The following TSHR variants were observed in gnomAD, a reference collection of about 807,000 sequenced individuals.
TSHR encodes the protein thyrotropin receptor.
Under a neutral mutation model 64.1 loss-of-function variants are expected in TSHR, and 51 were observed. The ratio of observed to expected loss-of-function variants is 0.80; its 90% CI spans 0.64 to 1.01. The LOEUF (loss-of-function observed/expected upper bound fraction) is 1.01. Ranked by LOEUF, TSHR falls within the 50% of genes least tolerant of loss-of-function variation. The probability of loss-of-function intolerance (pLI) is 0.00; values close to 1 mark genes in which losing one functional copy is unlikely to be tolerated. For missense variants in TSHR, 877 were observed against 942.8 expected, an observed-to-expected ratio of 0.93 and a Z score of 0.91; for synonymous variants, 361 against 361.9, an observed-to-expected ratio of 1.00 and a Z score of 0.03.
intron 7 of TSHR, chr14:81,105,081 T>A (rs1330621564): frequency 2.0e-6 from 2 of 985,262 alleles, no homozygotes; most frequent in African/African-American, 3.5e-5. Flanking sequence ...CAAGGGATAG[T>A]TTTTATCACT....
At chr14:81,061,733 A>C (rs1418592751) in intron 1 of TSHR, among the ~76,000 whole-genome samples, 2 of 151,994 alleles carry the variant, frequency 1.3e-5, no homozygotes, top group Non-Finnish European at 2.9e-5. Flanking sequence ...TACAAAAAAA[A>C]CCCTGACACC....
chr14:81,078,375 T>C (rs78630936), intron 3 of TSHR, among the ~76,000 whole-genome samples: 8,069 of 152,248 alleles, frequency 0.053, 356 homozygotes, highest in South Asian at 0.16. Flanking sequence ...TTCTGAGGAG[T>C]AGTCGTATCC....
intron 1 of TSHR, among the ~76,000 whole-genome samples, chr14:81,035,741 G>A (rs887138196): frequency 3.3e-5 from 5 of 152,104 alleles, no homozygotes; most frequent in South Asian, 2.1e-4. Flanking sequence ...TTTGATGCTG[G>A]GGGTTTTATG....
At chr14:81,098,940 C>T (rs955988772) in intron 7 of TSHR, among the ~76,000 whole-genome samples, 1 of 152,190 alleles carries the variant, frequency 6.6e-6, no homozygotes, top group African/African-American at 2.4e-5. Context: ...AAATTAACTG[C>T]CTGTTTTTCC....
intron 4 of TSHR, among the ~76,000 whole-genome samples, chr14:81,089,837 C>T (rs1039209355): frequency 6.6e-6 from 1 of 152,128 alleles, no homozygotes; most frequent in Non-Finnish European, 1.5e-5. Context: ...CACCTCTCTC[C>T]TTTGTTATCT....
intron 8 of TSHR, among the ~76,000 whole-genome samples, chr14:81,132,514 T>C (rs1651498001): frequency 6.6e-6 from 1 of 152,242 alleles, no homozygotes; most frequent in African/African-American, 2.4e-5. Context: ...TATTCTTCTC[T>C]GTATATAATA....
At chr14:81,047,664 CTT>C (rs11462189) in intron 1 of TSHR, among the ~76,000 whole-genome samples, 5 of 135,474 alleles carry the variant, frequency 3.7e-5, no homozygotes, top group Non-Finnish European at 4.7e-5. Context: ...TTCATTGGCT[CTT>C]TTTTTTTTTT....
At chr14:80,977,233 CAA>C (rs763215341) in intron 1 of TSHR, among the ~76,000 whole-genome samples, 36 of 152,204 alleles carry the variant, frequency 2.4e-4, no homozygotes, top group Non-Finnish European at 4.3e-4. Flanking sequence ...GTAAGAAAGG[CAA>C]ACAGTTATCT....
At position 80,981,949 on chromosome 14, in the gene TSHR, A is replaced by C. The variant is rs538511407; in HGVS notation, c.170+26099A>C. On this transcript the variant is annotated intron_variant, in intron 1 of 9. Coordinates refer to ENST00000298171, the MANE Select transcript of TSHR (RefSeq NM_000369.5). ...TCAGCCTAGGACACCTTGAGAACCA[A>C]GGACAAGATGGACAGGGCCAAGTAA... The C allele has an allele frequency of 1.2e-4, 34 of 289,810 alleles. No homozygotes were observed. In the Admixed American group the frequency reaches 1.3e-3, roughly 11 times the overall value. 18.0% of individuals were successfully genotyped at this position (289,810 alleles called of 1,614,324 possible). A position where few individuals can be genotyped will look rare whatever the true frequency, so the allele number is the denominator to read the frequency against.
chr14:81,070,478 T>C (rs768830778), intron 3 of TSHR, among the ~76,000 whole-genome samples: 8 of 151,326 alleles, frequency 5.3e-5, no homozygotes, highest in Admixed American at 1.3e-4. Flanking sequence ...AACACAAAAA[T>C]TTGCCGGGCA....
chr14:80,971,737 C>T (rs1887601127), intron 1 of TSHR, among the ~76,000 whole-genome samples: 1 of 152,192 alleles, frequency 6.6e-6, no homozygotes. Flanking sequence ...GGACATACTC[C>T]TGTCAGTATA....
At position 81,091,079 on chromosome 14, in the gene TSHR, A is replaced by T. The variant is rs1191546844; in HGVS notation, c.403A>T (p.Asn135Tyr). 3 of 1,611,686 alleles carry T rather than the reference A, an allele frequency of 1.9e-6. No individual in the cohort carries two copies. In the East Asian group the frequency reaches 6.7e-5, roughly 36 times the overall value. ...LPLLKFLGIF[N>Y]TGLKMFPDLT... The stretch of plus-strand genomic sequence containing the variant: ...TTTTCATTAATTTAGTGGCATTTTC[A>T]ACACTGGACTTAAAATGTTCCCTGA... The change falls in exon 5 of 10, where the codon AAC (asparagine) becomes TAC (tyrosine). Residue 135 changes from asparagine to tyrosine, a missense_variant. Asn to Tyr is a moderately radical substitution (Grantham distance 143). Transcript: ENST00000298171.
At chr14:80,966,592 T>C (rs530478017) in intron 1 of TSHR, among the ~76,000 whole-genome samples, 1 of 150,666 alleles carries the variant, frequency 6.6e-6, no homozygotes, top group Non-Finnish European at 1.5e-5. Context: ...AAAAAAAAAA[T>C]AAAAATTTAA....
chr14:80,963,576 T>C (rs1192069192), intron 1 of TSHR, among the ~76,000 whole-genome samples: 1 of 152,254 alleles, frequency 6.6e-6, no homozygotes, highest in African/African-American at 2.4e-5. Flanking sequence ...TGTATCTTTT[T>C]ATGGACAGTC....
intron 6 of TSHR, among the ~76,000 whole-genome samples, chr14:81,094,772 C>T (rs7143593): frequency 0.25 from 36,950 of 145,576 alleles, 6,975 homozygotes; most frequent in African/African-American, 0.53. Flanking sequence ...CTGCAACCTC[C>T]GCCTCCCAGG....
intron 8 of TSHR, among the ~76,000 whole-genome samples, chr14:81,136,474 G>T (rs1891460752): frequency 6.6e-6 from 1 of 152,188 alleles, no homozygotes; most frequent in Admixed American, 6.5e-5. Flanking sequence ...CAATTACCAT[G>T]TTGGGGGGAA....
At position 80,976,073 on chromosome 14, in the gene TSHR, G is replaced by A. The variant is rs140709430; in HGVS notation, c.170+20223G>A. Among the ~76,000 whole-genome samples, 958 of 152,216 alleles carry A rather than the reference G, an allele frequency of 6.3e-3. 6 individuals carry two copies. The highest frequency in any genetic ancestry group is 0.021 in the African/African-American group (881 of 41,540). On this transcript the variant is annotated intron_variant, in intron 1 of 9. Coordinates refer to ENST00000298171, the MANE Select transcript of TSHR (RefSeq NM_000369.5). Reference sequence around the variant, plus strand: ...ACTACAGGCACCCGCAACCACGCCCGGCTAATTTTTTGTATTTTTACTAGA... The same window carrying A: ...ACTACAGGCACCCGCAACCACGCCCAGCTAATTTTTTGTATTTTTACTAGA...
intron 1 of TSHR, among the ~76,000 whole-genome samples, chr14:81,025,319 T>C (rs752231528): frequency 6.6e-6 from 1 of 152,224 alleles, no homozygotes; most frequent in Non-Finnish European, 1.5e-5. Context: ...TGCAAGTTTT[T>C]AAAAATTGTT....
chr14:81,142,880 G>A, intron 9 of TSHR, 60 bp from the exon 10 acceptor site: 1 of 1,510,298 alleles, frequency 6.6e-7, no homozygotes, highest in Non-Finnish European at 9.2e-7. Context: ...AAAGTGCTGG[G>A]ATTACAGTCA....
Sources: allele counts gnomAD v4.1 joint callset (sites outside exome capture counted in the v4.1 genomes callset), GRCh38; gene constraint gnomAD v4.1.1; transcripts MANE v1.5; gene names NCBI Gene and HGNC (gene_info 2026-07-23, HGNC 2026-07-21).